Variants in DNMT3B observed in about 807,000 individuals in gnomAD.
DNMT3B encodes DNA (cytosine-5)-methyltransferase 3B.
A neutral mutation model predicts 120.2 loss-of-function variants in DNMT3B; 37 were observed. The ratio of observed to expected loss-of-function variants is 0.31; its 90% confidence interval spans 0.24 to 0.40. DNMT3B has a LOEUF of 0.40. DNMT3B is among the 10% of genes least tolerant of loss of function. The pLI is 1.00. For missense variants in DNMT3B, 878 were observed against 1,137.3 expected, an observed-to-expected ratio of 0.77 and a Z score of 3.28; for synonymous variants, 412 against 442.8, an observed-to-expected ratio of 0.93 and a Z score of 0.87.
In DNMT3B at chr20:32,799,234, TA is replaced by T. The variant is rs1471838557; in HGVS notation, c.1675-9del. ...CCTTCACCACCATGACCTCCTTCCT[TA>T]CCTGGCAGGAAGCCCCCAAGCTGTA... On this transcript the variant is annotated splice_polypyrimidine_tract_variant and intron_variant, in intron 15 of 22. Transcript: ENST00000328111. 1 of 1,609,460 alleles carries T rather than the reference TA, an allele frequency of 6.2e-7. No homozygotes were observed. The highest frequency in any genetic ancestry group is 1.7e-5 in the Admixed American group (1 of 59,458).
At chr20:32,806,361 G>A (rs1282144275) in intron 22 of DNMT3B, 34 bp downstream of exon 22, 2 of 1,601,418 alleles carry the variant, frequency 1.2e-6, no homozygotes, top group African/African-American at 1.3e-5. Context: ...GGGAAACTGT[G>A]TAGATCAAAA....
intron 1 of DNMT3B, among the ~76,000 whole-genome samples, chr20:32,774,090 A>T (rs1336798925): frequency 6.6e-6 from 1 of 151,884 alleles, no homozygotes; most frequent in East Asian, 1.9e-4. Flanking sequence ...GGACAGCCTG[A>T]GTCTGGCCCC....
chr20:32,800,911 G>A lies in DNMT3B; in HGVS notation c.1982G>A (p.Arg661Lys). ...CNDLSNVNPA[R>K]KGLYEGTGRL... ...GATCTCTCAAATGTGAATCCAGCCAGGAAAGGCCTGTATGGTGAGCATCCT... is the reference window on the plus strand; with the variant it reads ...GATCTCTCAAATGTGAATCCAGCCAAGAAAGGCCTGTATGGTGAGCATCCT... Residue 661 changes from arginine (R) to lysine (K), a missense_variant, in exon 18 of 23, where the codon AGG becomes AAG. By Grantham distance (26) the Arg-to-Lys change is conservative. Transcript: ENST00000328111. 6.2e-7 allele frequency: 1 copy of A among 1,614,220 alleles called. No homozygotes were observed.
At chr20:32,779,826 T>TGG (rs1978361454) in intron 1 of DNMT3B, 1 of 389,694 alleles carries the variant, frequency 2.6e-6, no homozygotes, top group Admixed American at 5.6e-5. Context: ...AGGGGGTGGG[T>TGG]GGGAAGAGGA....
At chr20:32,800,340 C>G (rs1390609759) in intron 17 of DNMT3B, 42 bp downstream of exon 17, 2 of 1,613,106 alleles carry the variant, frequency 1.2e-6, no homozygotes, top group African/African-American at 2.7e-5. Flanking sequence ...CTCTTCCTGT[C>G]TTTTTCCCCA....
At chr20:32,791,811 ACAGGGTGGC>A in intron 8 of DNMT3B, 103 bp downstream of exon 8, 1 of 1,285,720 alleles carries the variant, frequency 7.8e-7, no homozygotes, top group South Asian at 1.2e-5. Context: ...TTTGGAGGGG[ACAGGGTGGC>A]CAGGGAGGAG....
At chr20:32,785,007 G>C in intron 4 of DNMT3B, 148 bp downstream of exon 4, 1 of 798,676 alleles carries the variant, frequency 1.3e-6, no homozygotes, top group South Asian at 1.6e-5. Context: ...TATAAGCAAG[G>C]CTCTTGGACT....
At chr20:32,764,962 A>T (rs1460367891) in intron 1 of DNMT3B, among the ~76,000 whole-genome samples, 2 of 152,290 alleles carry the variant, frequency 1.3e-5, no homozygotes, top group East Asian at 3.9e-4. Flanking sequence ...AGCCCCATGG[A>T]CCTGCTGCCA....
intron 3 of DNMT3B, among the ~76,000 whole-genome samples, chr20:32,781,863 G>A (rs973553131): frequency 3.9e-5 from 6 of 152,110 alleles, no homozygotes; most frequent in Non-Finnish European, 5.9e-5. Flanking sequence ...ACTTGTAGCC[G>A]TCTCCGTGAT....
chr20:32,807,207 C>A (rs910017797), intron 22 of DNMT3B, among the ~76,000 whole-genome samples: 1 of 152,298 alleles, frequency 6.6e-6, no homozygotes, highest in East Asian at 1.9e-4. Flanking sequence ...GGATTGTATA[C>A]CTGAGTAACA....
At chr20:32,805,578 T>C (rs896121032) in intron 21 of DNMT3B, among the ~76,000 whole-genome samples, 171 bp downstream of exon 21, 4 of 152,008 alleles carry the variant, frequency 2.6e-5, no homozygotes, top group African/African-American at 9.7e-5. Context: ...ATACAGAGAC[T>C]AGGAGACATT....
intron 17 of DNMT3B, 124 bp from the exon 18 acceptor site, chr20:32,800,711 G>A (rs1010713948): frequency 2.4e-5 from 26 of 1,106,376 alleles, no homozygotes; most frequent in Middle Eastern, 3.9e-4. Context: ...CACCCCCGCC[G>A]TCAGCCTTCC....
chr20:32,773,291 C>G (rs1015915245), intron 1 of DNMT3B, among the ~76,000 whole-genome samples: 1 of 152,098 alleles, frequency 6.6e-6, no homozygotes, highest in African/African-American at 2.4e-5. Context: ...TATGGACACA[C>G]TCTTCTGATA....
intron 20 of DNMT3B, among the ~76,000 whole-genome samples, chr20:32,803,348 A>C (rs1313744032): frequency 6.6e-6 from 1 of 152,268 alleles, no homozygotes; most frequent in Admixed American, 6.5e-5. Context: ...GCATGGAAAC[A>C]TAATAACCTT....
intron 21 of DNMT3B, among the ~76,000 whole-genome samples, chr20:32,805,953 T>C (rs1981926523): frequency 1.3e-5 from 2 of 152,186 alleles, no homozygotes; most frequent in Admixed American, 1.3e-4. Flanking sequence ...TGGTCCTTCC[T>C]GTTAACGTCT....
rs529391004 is a variant in DNMT3B at position 32,798,155 on chromosome 20, G to T, written c.1491-305G>T. ...AGCATGAGGGAAGGGGATGAGTAGG[G>T]TGTCAGGGAAGGCTAATTCCCTGGT... On this transcript the variant is annotated intron_variant, in intron 14 of 22. Transcript: ENST00000328111. Among the ~76,000 whole-genome samples the T allele has an allele frequency of 2.0e-3, 299 of 152,266 alleles. 1 individual carries two copies. The highest frequency in any genetic ancestry group is 6.8e-3 in the African/African-American group (283 of 41,546).
Position 32,787,257 on chromosome 20 carries a change from G to T in DNMT3B, c.460G>T (p.Ala154Ser). Reference protein sequence around the residue: ...RSLRRRATASAGTPWPSPPSS... With the variant: ...RSLRRRATASSGTPWPSPPSS... ...CCTGAGACGGCGGGCAACAGCATCG[G>T]CAGGAACGCCATGGCCGTCCCCTCC... Residue 154 changes from alanine to serine, a missense_variant, in exon 6 of 23, where the codon GCA (alanine) becomes TCA (serine). Physicochemically the swap from Ala to Ser is moderately conservative, Grantham distance 99. Transcript: ENST00000328111. 15 of 1,614,200 alleles carry T rather than the reference G, an allele frequency of 9.3e-6. No individual in the cohort carries two copies. The highest frequency in any genetic ancestry group is 1.3e-5 in the Non-Finnish European group (15 of 1,180,044).
At chr20:32,795,807 A>G (rs1247004680) in intron 12 of DNMT3B, 113 bp downstream of exon 12, 1 of 1,395,000 alleles carries the variant, frequency 7.2e-7, no homozygotes, top group Non-Finnish European at 1.0e-6. Context: ...CTGTTCCTTA[A>G]CCTCAGGCCA....
At chr20:32,775,616 C>T (rs754618598) in intron 1 of DNMT3B, among the ~76,000 whole-genome samples, 6 of 152,216 alleles carry the variant, frequency 3.9e-5, no homozygotes, top group African/African-American at 7.2e-5. Context: ...CTGAATCACA[C>T]GCTGGACCCC....
Sources: gnomAD v4.1 joint callset for allele counts (sites outside exome capture counted in the v4.1 genomes callset) on GRCh38, gnomAD v4.1.1 for gene constraint, MANE v1.5 for transcripts, NCBI Gene and HGNC (gene_info 2026-07-23, HGNC 2026-07-21) for gene names.